Variants in REEP3 observed in about 807,000 individuals in gnomAD.
REEP3 encodes the protein receptor expression-enhancing protein 3.
A neutral mutation model predicts 41.3 loss-of-function variants in REEP3; 20 were observed. That is an observed-to-expected ratio of 0.48 (90% CI 0.34 to 0.70). The LOEUF (loss-of-function observed/expected upper bound fraction) is 0.70, where lower values mean the gene tolerates loss of function less well. REEP3 is among the 30% of genes least tolerant of loss of function. REEP3 has a pLI of 0.01. For missense variants in REEP3, 271 were observed against 308.8 expected (o/e 0.88, Z 0.92); for synonymous variants, 104 against 101.8 (o/e 1.02, Z -0.13).
intron 1 of REEP3, among the ~76,000 whole-genome samples, chr10:63,545,680 GTTTTTT>G (rs55779021): frequency 3.6e-5 from 2 of 55,412 alleles, no homozygotes; most frequent in African/African-American, 7.3e-5. Flanking sequence ...GCCAACTTCT[GTTTTTT>G]TTTTTTTTTT....
intron 1 of REEP3, among the ~76,000 whole-genome samples, chr10:63,549,535 C>T (rs1446543086): frequency 6.6e-6 from 1 of 152,258 alleles, no homozygotes; most frequent in East Asian, 1.9e-4. Context: ...CCACTGTACT[C>T]CAGTTTGGGT....
chr10:63,618,897 T>C (rs1956332343), intron 6 of REEP3, among the ~76,000 whole-genome samples: 1 of 152,232 alleles, frequency 6.6e-6, no homozygotes, highest in South Asian at 2.1e-4. Context: ...CCTGACTGTG[T>C]GGATGTTTGC....
intron 2 of REEP3, among the ~76,000 whole-genome samples, chr10:63,575,981 C>T (rs945906388): frequency 6.6e-6 from 1 of 152,238 alleles, no homozygotes; most frequent in African/African-American, 2.4e-5. Flanking sequence ...GATCCGCCTG[C>T]CTTGGCCTCC....
chr10:63,556,705 G>A (rs1287339782), intron 1 of REEP3, among the ~76,000 whole-genome samples: 2 of 130,960 alleles, frequency 1.5e-5, no homozygotes, highest in Non-Finnish European at 3.2e-5. Flanking sequence ...GCGGGATCTC[G>A]GCTCACTGCA....
At chr10:63,545,787 G>A (rs888823644) in intron 1 of REEP3, among the ~76,000 whole-genome samples, 5 of 147,272 alleles carry the variant, frequency 3.4e-5, no homozygotes, top group Admixed American at 1.5e-4. Flanking sequence ...TCCGGGGTTC[G>A]AGTGATTCTT....
intron 6 of REEP3, among the ~76,000 whole-genome samples, chr10:63,617,845 G>A (rs1336608460): frequency 1.8e-5 from 2 of 113,706 alleles, no homozygotes; most frequent in Admixed American, 1.1e-4. Context: ...TTTTTAAAGA[G>A]ATGGAGTCTT....
At chr10:63,608,555 T>C (rs1956249819) in intron 5 of REEP3, among the ~76,000 whole-genome samples, 1 of 152,188 alleles carries the variant, frequency 6.6e-6, no homozygotes, top group Non-Finnish European at 1.5e-5. Flanking sequence ...ACACTGTAAC[T>C]AGAGGAAATC....
chr10:63,542,912 A>T (rs1955541840), intron 1 of REEP3, among the ~76,000 whole-genome samples: 1 of 152,188 alleles, frequency 6.6e-6, no homozygotes, highest in Non-Finnish European at 1.5e-5. Flanking sequence ...AAGGTACAGG[A>T]TGCCACAGGT....
At chr10:63,552,902 T>A (rs1340878318) in intron 1 of REEP3, among the ~76,000 whole-genome samples, 2 of 152,234 alleles carry the variant, frequency 1.3e-5, no homozygotes, top group African/African-American at 2.4e-5. Context: ...TTCTGTCAGG[T>A]TGTCCCAGAT....
chr10:63,554,855 T>C (rs1955662831), intron 1 of REEP3, among the ~76,000 whole-genome samples: 2 of 152,180 alleles, frequency 1.3e-5, no homozygotes, highest in Admixed American at 1.3e-4. Flanking sequence ...TTCTACAGTG[T>C]ACTCTGTTCC....
At chr10:63,536,090 A>T (rs1417434452) in intron 1 of REEP3, among the ~76,000 whole-genome samples, 1 of 152,222 alleles carries the variant, frequency 6.6e-6, no homozygotes, top group African/African-American at 2.4e-5. Context: ...TTCATGACAC[A>T]GGTACTGCTG....
chr10:63,609,654 G>A (rs989846745), intron 5 of REEP3, among the ~76,000 whole-genome samples: 1 of 151,956 alleles, frequency 6.6e-6, no homozygotes, highest in Non-Finnish European at 1.5e-5. Flanking sequence ...CCAGCTACTC[G>A]GGAGACTGAG....
chr10:63,527,244 A>G (rs1222683049), intron 1 of REEP3, among the ~76,000 whole-genome samples: 1 of 151,640 alleles, frequency 6.6e-6, no homozygotes, highest in Non-Finnish European at 1.5e-5. Flanking sequence ...TTTCTTCTCT[A>G]CTAGATCTTT....
intron 6 of REEP3, among the ~76,000 whole-genome samples, chr10:63,611,735 TAAAA>T (rs978026445): frequency 1.3e-5 from 2 of 151,240 alleles, no homozygotes; most frequent in East Asian, 1.9e-4. Context: ...AAATAAAAAT[TAAAA>T]AAACTGTTCC....
intron 1 of REEP3, among the ~76,000 whole-genome samples, chr10:63,542,816 G>C (rs1304591420): frequency 6.6e-6 from 1 of 152,130 alleles, no homozygotes; most frequent in East Asian, 1.9e-4. Context: ...TTAACAGTTT[G>C]ACCGTAAGTC....
intron 5 of REEP3, among the ~76,000 whole-genome samples, chr10:63,604,640 A>G (rs902916089): frequency 6.6e-6 from 1 of 152,158 alleles, no homozygotes; most frequent in African/African-American, 2.4e-5. Flanking sequence ...ACAGCTTAGT[A>G]TTATACACTT....
At chr10:63,549,778 A>G (rs913773751) in intron 1 of REEP3, among the ~76,000 whole-genome samples, 1 of 152,360 alleles carries the variant, frequency 6.6e-6, no homozygotes, top group Non-Finnish European at 1.5e-5. Context: ...ACAGATAAGA[A>G]AGGGGAGGAA....
chr10:63,559,815 G>T (rs1378668118), intron 1 of REEP3, among the ~76,000 whole-genome samples: 1 of 152,130 alleles, frequency 6.6e-6, no homozygotes, highest in Non-Finnish European at 1.5e-5. Context: ...ATCATAGAAA[G>T]ATTGTTCGTA....
chr10:63,552,017 A>G (rs1244110253), intron 1 of REEP3, among the ~76,000 whole-genome samples: 1 of 152,210 alleles, frequency 6.6e-6, no homozygotes, highest in Non-Finnish European at 1.5e-5. Context: ...TTAAAAGAGT[A>G]AGTGGCCAAC....
Sources: allele counts gnomAD v4.1 joint callset (sites outside exome capture counted in the v4.1 genomes callset), GRCh38; gene constraint gnomAD v4.1.1; transcripts MANE v1.5; gene names NCBI Gene and HGNC (gene_info 2026-07-23, HGNC 2026-07-21).